Variants in ATP8B4 observed in about 807,000 individuals in gnomAD.
ATP8B4 encodes the protein probable phospholipid-transporting ATPase IM.
A neutral mutation model predicts 145.6 loss-of-function variants in ATP8B4; 133 were observed. The ratio of observed to expected loss-of-function variants is 0.91; its 90% CI spans 0.79 to 1.05. The LOEUF is 1.05. ATP8B4 is among the 50% of genes least tolerant of loss of function. The probability of loss-of-function intolerance (pLI) is 0.00; values close to 1 mark genes in which losing one functional copy is unlikely to be tolerated. For missense variants in ATP8B4, 1,458 were observed against 1,425.2 expected (o/e 1.02, Z -0.37); for synonymous variants, 507 against 492.9 (o/e 1.03, Z -0.38).
intron 3 of ATP8B4, among the ~76,000 whole-genome samples, chr15:50,070,741 T>G (rs2053674283): frequency 6.6e-6 from 1 of 152,122 alleles, no homozygotes; most frequent in Admixed American, 6.6e-5. Context: ...GTGTTTTGTT[T>G]TGTTTTGTTT....
At chr15:50,137,473 C>T (rs573144717) in intron 1 of ATP8B4, among the ~76,000 whole-genome samples, 1 of 152,306 alleles carries the variant, frequency 6.6e-6, no homozygotes, top group South Asian at 2.1e-4. Flanking sequence ...GACTCACAAG[C>T]GATCAATCAC....
At chr15:50,085,945 GATATATATCAT>G (rs1567331142) in intron 2 of ATP8B4, among the ~76,000 whole-genome samples, 1 of 87,098 alleles carries the variant, frequency 1.1e-5, no homozygotes, top group African/African-American at 5.9e-5. Flanking sequence ...ATTTATATAT[GATATATATCAT>G]ATATATTTAT....
upstream of ATP8B4, among the ~76,000 whole-genome samples, chr15:50,123,014 T>C (rs2057283254): frequency 6.6e-6 from 1 of 152,174 alleles, no homozygotes; most frequent in African/African-American, 2.4e-5. Context: ...TATGCAGTGA[T>C]AGAATAAGAA....
chr15:50,030,987 C>T (rs2414004), intron 6 of ATP8B4, among the ~76,000 whole-genome samples: 103,796 of 152,066 alleles, frequency 0.68, 37,662 homozygotes, highest in East Asian at 0.99. Context: ...AGGAACCCTT[C>T]CATCTGCAAA....
intron 1 of ATP8B4, among the ~76,000 whole-genome samples, chr15:50,110,785 TAAGGG>T (rs2056900201): frequency 6.6e-6 from 1 of 152,192 alleles, no homozygotes; most frequent in South Asian, 2.1e-4. Context: ...TTGCTTTTAA[TAAGGG>T]AAGTGTGAGA....
intron 14 of ATP8B4, among the ~76,000 whole-genome samples, chr15:49,955,865 G>A (rs1259165920): frequency 6.6e-6 from 1 of 152,046 alleles, no homozygotes; most frequent in Non-Finnish European, 1.5e-5. Context: ...AGAGACTGGG[G>A]AAATGAGAAT....
intron 8 of ATP8B4, among the ~76,000 whole-genome samples, chr15:49,999,167 A>C (rs187777730): frequency 6.6e-6 from 1 of 152,116 alleles, no homozygotes; most frequent in Admixed American, 6.6e-5. Context: ...GGATTAAGAA[A>C]ATGTGGCACA....
chr15:49,990,301 T>C (rs989243087), intron 9 of ATP8B4, among the ~76,000 whole-genome samples: 1 of 152,190 alleles, frequency 6.6e-6, no homozygotes, highest in Admixed American at 6.6e-5. Flanking sequence ...AATGATCAGT[T>C]TGACAATCGA....
chr15:50,030,794 T>TAACCCATG (rs2050376259), intron 6 of ATP8B4, among the ~76,000 whole-genome samples: 1 of 152,230 alleles, frequency 6.6e-6, no homozygotes. Context: ...GTGCAGAGTT[T>TAACCCATG]TGAAAGTGTT....
At chr15:50,161,558 G>T (rs2044518732) in intron 1 of ATP8B4, among the ~76,000 whole-genome samples, 2 of 151,870 alleles carry the variant, frequency 1.3e-5, no homozygotes, top group East Asian at 3.9e-4. Flanking sequence ...TTACCATGAG[G>T]CTTGTAAATA....
At chr15:50,071,185 T>G (rs999961164) in intron 3 of ATP8B4, among the ~76,000 whole-genome samples, 2 of 152,188 alleles carry the variant, frequency 1.3e-5, no homozygotes, top group African/African-American at 4.8e-5. Flanking sequence ...TTCAATATCA[T>G]GAAAACTCAA....
intron 7 of ATP8B4, among the ~76,000 whole-genome samples, chr15:50,008,948 T>C (rs752103401): frequency 6.6e-6 from 1 of 152,214 alleles, no homozygotes. Flanking sequence ...GATAGTTAAG[T>C]GTGTGGCATA....
At chr15:49,953,713 A>T (rs1019757562) in intron 14 of ATP8B4, among the ~76,000 whole-genome samples, 1 of 152,236 alleles carries the variant, frequency 6.6e-6, no homozygotes, top group Non-Finnish European at 1.5e-5. Context: ...AGGCAGCAGC[A>T]GCCAGTGGTG....
intron 14 of ATP8B4, among the ~76,000 whole-genome samples, chr15:49,945,777 T>C (rs1225051200): frequency 6.6e-6 from 1 of 152,092 alleles, no homozygotes; most frequent in East Asian, 1.9e-4. Context: ...GAAAAAGCAT[T>C]TGACAAAATT....
intron 10 of ATP8B4, among the ~76,000 whole-genome samples, chr15:49,983,548 C>T (rs1238166467): frequency 1.3e-5 from 2 of 152,162 alleles, no homozygotes; most frequent in Non-Finnish European, 2.9e-5. Context: ...ACTTTGTCTC[C>T]CTGTATCCAC....
At position 49,980,575 on chromosome 15, in the gene ATP8B4, T is replaced by TA. The variant is rs559326046; in HGVS notation, c.837+630dup. On this transcript the variant is annotated intron_variant, in intron 11 of 27. Transcript: ENST00000284509. ...AATATCATTTCAAAAGAATCAGAAGTAAAAAAAAAATTCATAAGAGAAAGA... is the reference window on the plus strand; with the variant it reads ...AATATCATTTCAAAAGAATCAGAAGTAAAAAAAAAAATTCATAAGAGAAAGA... 2.5e-3 allele frequency among the ~76,000 whole-genome samples: 376 copies of TA among 149,618 alleles called. 5 individuals are homozygous for TA. The highest frequency in any genetic ancestry group is 0.01 in the Middle Eastern group (3 of 292).
intron 14 of ATP8B4, 38 bp from the exon 15 acceptor site, chr15:49,934,220 T>C: frequency 6.4e-7 from 1 of 1,557,650 alleles, no homozygotes; most frequent in Non-Finnish European, 8.7e-7. Flanking sequence ...AACCAAAACC[T>C]CATTCCAATA....
At chr15:50,015,358 A>T (rs1471977204) in intron 6 of ATP8B4, among the ~76,000 whole-genome samples, 1 of 152,212 alleles carries the variant, frequency 6.6e-6, no homozygotes, top group Non-Finnish European at 1.5e-5. Context: ...TGGCCAACTG[A>T]AAAGAAGAAT....
At chr15:49,889,074 C>T (rs573685798) in intron 23 of ATP8B4, among the ~76,000 whole-genome samples, 1 of 151,734 alleles carries the variant, frequency 6.6e-6, no homozygotes, top group Non-Finnish European at 1.5e-5. Context: ...ATAAAGCAAA[C>T]ATTTTCTGAT....
Sources: allele counts gnomAD v4.1 joint callset (sites outside exome capture counted in the v4.1 genomes callset), GRCh38; gene constraint gnomAD v4.1.1; transcripts MANE v1.5; gene names NCBI Gene and HGNC (gene_info 2026-07-23, HGNC 2026-07-21).